PDE3B: variants seen among roughly 807,000 people sequenced by gnomAD.
PDE3B encodes cGMP-inhibited 3',5'-cyclic phosphodiesterase 3B.
A neutral mutation model predicts 116.8 loss-of-function variants in PDE3B; 66 were observed. The ratio of observed to expected loss-of-function variants is 0.56; its 90% CI spans 0.46 to 0.69. The LOEUF (loss-of-function observed/expected upper bound fraction) is 0.69, where lower values mean the gene tolerates loss of function less well. Among genes scored for constraint, PDE3B ranks in the 30% least tolerant of loss-of-function variants. PDE3B has a pLI of 0.00. For synonymous variants in PDE3B, 595 were observed against 533.6 expected (o/e 1.12, Z -1.59); for missense variants, 1,384 against 1,368.1 (o/e 1.01, Z -0.18).
intron 14 of PDE3B, 135 bp from the exon 15 acceptor site, chr11:14,867,371 G>T: frequency 1.4e-6 from 1 of 694,130 alleles, no homozygotes; most frequent in Non-Finnish European, 2.3e-6. Flanking sequence ...TGAAATGATA[G>T]ATTGATGCTT....
At chr11:14,655,533 T>A (rs923215796) in intron 1 of PDE3B, among the ~76,000 whole-genome samples, 1 of 152,162 alleles carries the variant, frequency 6.6e-6, no homozygotes, top group African/African-American at 2.4e-5. Flanking sequence ...GGGGGAAATA[T>A]AAAGATCAAT....
chr11:14,758,086 T>C (rs1258680163), intron 1 of PDE3B, among the ~76,000 whole-genome samples: 1 of 152,030 alleles, frequency 6.6e-6, no homozygotes, highest in Non-Finnish European at 1.5e-5. Context: ...CTTGTTTTTG[T>C]CAGGTTTGTC....
chr11:14,644,153 T>G lies in PDE3B; in HGVS notation c.78T>G (p.Ser26Arg). ...ATGGGGCCGGCTCGCCCCCCGAGAG[T>G]CTGAGGAACGGCTACGTGAAGAGCT... ...PPDGAGSPPE[S>R]LRNGYVKSCV... The change falls in exon 1 of 16, where the codon AGT becomes AGG. Residue 26 changes from serine to arginine, a missense_variant. Ser to Arg is a moderately radical substitution (Grantham distance 110). Coordinates refer to ENST00000282096, the MANE Select transcript of PDE3B (RefSeq NM_000922.4). 6.3e-7 allele frequency: 1 copy of G among 1,587,146 alleles called. No homozygotes were observed. Among genetic ancestry groups the G allele is most frequent in the Non-Finnish European group, 8.5e-7 (1 of 1,174,936 alleles).
At chr11:14,842,876 T>C (rs1847505528) in intron 11 of PDE3B, among the ~76,000 whole-genome samples, 1 of 152,186 alleles carries the variant, frequency 6.6e-6, no homozygotes, top group African/African-American at 2.4e-5. Flanking sequence ...TGTATTAAAG[T>C]CATGTTAAAA....
intron 1 of PDE3B, among the ~76,000 whole-genome samples, chr11:14,711,383 T>G (rs1855697270): frequency 6.6e-6 from 1 of 152,190 alleles, no homozygotes; most frequent in African/African-American, 2.4e-5. Flanking sequence ...AGACTATTCT[T>G]GCATTGCTAT....
intron 2 of PDE3B, among the ~76,000 whole-genome samples, chr11:14,784,093 T>C (rs866234827): frequency 6.6e-6 from 1 of 152,328 alleles, no homozygotes; most frequent in African/African-American, 2.4e-5. Flanking sequence ...TGATCTGTGG[T>C]GAACAGTTTC....
chr11:14,723,428 T>A (rs1856182828), intron 1 of PDE3B, among the ~76,000 whole-genome samples: 2 of 152,132 alleles, frequency 1.3e-5, no homozygotes, highest in Non-Finnish European at 2.9e-5. Flanking sequence ...AGGTCAGTAC[T>A]ATGAAGATGA....
At position 14,644,951 on chromosome 11, in the gene PDE3B, G is replaced by A. The variant is rs1853345314; in HGVS notation, c.876G>A (p.Arg292=). 1 of 1,614,102 alleles carries A rather than the reference G, an allele frequency of 6.2e-7. No individual in the cohort carries two copies. Among genetic ancestry groups the A allele is most frequent in the East Asian group, 2.2e-5 (1 of 44,874 alleles). Reference sequence around the variant, plus strand: ...AAAAAGTGCCTGTGATCCGACCCCGGAGGAGGTCCAGCTGCGTGTCGTTAG... The same window carrying A: ...AAAAAGTGCCTGTGATCCGACCCCGAAGGAGGTCCAGCTGCGTGTCGTTAG... The part of the protein sequence containing the change: ...AEEKVPVIRP[R]RRSSCVSLGE... The change falls in exon 1 of 16, where the codon CGG becomes CGA. Residue 292 remains arginine (R), a synonymous_variant. Transcript: ENST00000282096.
intron 5 of PDE3B, among the ~76,000 whole-genome samples, chr11:14,812,157 G>T (rs1309716983): frequency 3.3e-5 from 5 of 152,084 alleles, no homozygotes; most frequent in Non-Finnish European, 7.4e-5. Flanking sequence ...TTGAGTTTAT[G>T]GAAATATTCC....
At position 14,644,314 on chromosome 11, in the gene PDE3B, T is replaced by G. The variant is rs1248313666; in HGVS notation, c.239T>G (p.Leu80Arg). 6.4e-7 allele frequency: 1 copy of G among 1,566,970 alleles called. No homozygotes were observed. The highest frequency in any genetic ancestry group is 8.6e-7 in the Non-Finnish European group (1 of 1,162,750). Residue 80 changes from leucine to arginine, a missense_variant, in exon 1 of 16, where the codon CTC becomes CGC. Leu to Arg is a moderately radical substitution (Grantham distance 102). This residue lies in a region of PDE3B where 956 missense variants were observed against 806.8 expected (regional missense o/e 1.18). Transcript: ENST00000282096. ...TGCTCCCCCTTCTGCCGGGCGCGCC[T>G]CTCGCTGGGCGCCCTGGCTGCCTTT... ...RRCSPFCRAR[L>R]SLGALAAFVL...
intron 1 of PDE3B, among the ~76,000 whole-genome samples, chr11:14,724,679 G>T (rs1455305274): frequency 6.6e-6 from 1 of 152,148 alleles, no homozygotes; most frequent in Non-Finnish European, 1.5e-5. Context: ...AGAACTCCAG[G>T]CCAGAGATAA....
At chr11:14,741,064 G>A (rs992862069) in intron 1 of PDE3B, among the ~76,000 whole-genome samples, 1 of 151,802 alleles carries the variant, frequency 6.6e-6, no homozygotes, top group African/African-American at 2.4e-5. Flanking sequence ...GTGCTGAGAA[G>A]AATGTATATT....
chr11:14,718,099 A>C (rs1309545916), intron 1 of PDE3B, among the ~76,000 whole-genome samples: 2 of 147,598 alleles, frequency 1.4e-5, no homozygotes, highest in East Asian at 4.0e-4. Flanking sequence ...ATGGAAAACA[A>C]AAAAAGGCAG....
intron 14 of PDE3B, among the ~76,000 whole-genome samples, chr11:14,862,722 C>T (rs971603741): frequency 7.9e-5 from 12 of 151,976 alleles, no homozygotes; most frequent in South Asian, 2.1e-4. Flanking sequence ...TACAGGTGCA[C>T]GCCACCATGC....
chr11:14,829,160 G>T (rs1387454509), intron 7 of PDE3B, among the ~76,000 whole-genome samples: 1 of 152,112 alleles, frequency 6.6e-6, no homozygotes, highest in Non-Finnish European at 1.5e-5. Context: ...TCAGAGGGTG[G>T]AGGGTGGGCG....
chr11:14,771,114 A>G (rs1378806020), intron 1 of PDE3B, among the ~76,000 whole-genome samples: 3 of 151,746 alleles, frequency 2.0e-5, no homozygotes, highest in East Asian at 3.8e-4. Context: ...ATGAGATTAT[A>G]TTACAGATTA....
intron 1 of PDE3B, among the ~76,000 whole-genome samples, chr11:14,708,589 GA>G (rs1415491753): frequency 6.6e-6 from 1 of 151,982 alleles, no homozygotes; most frequent in Non-Finnish European, 1.5e-5. Context: ...TGGATCAGCT[GA>G]CAAAATTGTA....
chr11:14,773,167 T>C (rs1857693428), intron 2 of PDE3B: 4 of 152,154 alleles, frequency 2.6e-5, no homozygotes, highest in African/African-American at 9.6e-5. Context: ...TCTTAAGTTA[T>C]GAGTGGGTAT....
chr11:14,698,954 A>C (rs1160998150), intron 1 of PDE3B: 1 of 151,928 alleles, frequency 6.6e-6, no homozygotes, highest in Admixed American at 6.6e-5. Context: ...GAAATACCAG[A>C]AGTTGTTCTT....
Sources: gnomAD v4.1 joint callset for allele counts (sites outside exome capture counted in the v4.1 genomes callset) on GRCh38, gnomAD v4.1.1 for gene constraint, gnomAD v4.1.1 regional missense constraint, MANE v1.5 for transcripts, NCBI Gene and HGNC (gene_info 2026-07-23, HGNC 2026-07-21) for gene names.